ATF5: variants seen among roughly 807,000 people sequenced by gnomAD.
ATF5 encodes the protein cyclic AMP-dependent transcription factor ATF-5.
ATF5 carries 6 observed loss-of-function variants against 4.6 expected under a neutral mutation model. That is an observed-to-expected ratio of 1.31 (90% confidence interval 0.72 to 2.59). The LOEUF (loss-of-function observed/expected upper bound fraction) is 2.59, where lower values mean the gene tolerates loss of function less well. Among genes scored for constraint, ATF5 ranks in the 30% most tolerant of loss-of-function variants. The probability of loss-of-function intolerance (pLI) is 0.00; values close to 1 mark genes in which losing one functional copy is unlikely to be tolerated. For missense variants in ATF5, 410 were observed against 368.7 expected (o/e 1.11, Z -0.92); for synonymous variants, 193 against 165.0 (o/e 1.17, Z -1.30).
intron 1 of ATF5, chr19:49,929,866 G>T (rs959743129): frequency 3.3e-5 from 5 of 152,292 alleles, no homozygotes; most frequent in Non-Finnish European, 7.3e-5. Context: ...TGGCGTTCGG[G>T]TAGCCGTTCT....
rs928610536 is a variant in ATF5, at chr19:49,933,135, G to C, written c.*43G>C. ...TTCTGGGGGCTGGTCTTCAGCTCTGGCGCCTTCATCCCCCTGCCTCTACCT... is the reference window on the plus strand; with the variant it reads ...TTCTGGGGGCTGGTCTTCAGCTCTGCCGCCTTCATCCCCCTGCCTCTACCT... On this transcript the variant is annotated 3_prime_UTR_variant, in exon 3 of 3. Coordinates refer to ENST00000423777, the MANE Select transcript of ATF5 (RefSeq NM_001193646.2). 6.6e-7 allele frequency: 1 copy of C among 1,514,988 alleles called. No homozygotes were observed. The highest frequency in any genetic ancestry group is 8.9e-7 in the Non-Finnish European group (1 of 1,128,934). The allele number at this position is 1,514,988 out of a possible 1,614,324, so 93.8% of individuals were successfully genotyped here.
chr19:49,933,169 A>G lies in ATF5; in HGVS notation c.*77A>G, dbSNP rs759694028. 10 of 1,421,516 alleles carry G rather than the reference A, an allele frequency of 7.0e-6. No individual in the cohort carries two copies. In the East Asian group the frequency reaches 9.9e-5, roughly 14 times the overall value. The allele number at this position is 1,421,516 out of a possible 1,614,324, so 88.1% of individuals were successfully genotyped here. A position where few individuals can be genotyped will look rare whatever the true frequency, so the allele number is the denominator to read the frequency against. On this transcript the variant is annotated 3_prime_UTR_variant, in exon 3 of 3. Transcript: ENST00000423777. ...TCCCCCTGCCTCTACCTTCATTCCA[A>G]ACCCCTCTCGGCCGGGTGCAGTGGC... is the stretch of plus-strand genomic sequence containing the variant.
Position 49,933,092 on chromosome 19 carries a change from G to C in ATF5, c.849G>C (p.Ter283TyrextTer38). The C allele has an allele frequency of 6.3e-7, 1 of 1,581,522 alleles. No homozygotes were observed. The change falls in exon 3 of 3, where the codon TAG becomes TAC. Residue 283 changes from the stop codon to tyrosine (Y), a stop_lost. Coordinates refer to ENST00000423777, the MANE Select transcript of ATF5 (RefSeq NM_001193646.2). ...GGAGCCAGAGGACCCGTAGCTGCTA[G>C]AAGGGCAGGGGTGTGGCTTCTGGGG... ...KARSQRTRSC[*>Y]
rs1284758807 is a variant in ATF5, at chr19:49,933,026, C to G, written c.783C>G (p.Ile261Met). 6.8e-6 allele frequency: 11 copies of G among 1,613,546 alleles called. No homozygotes were observed. Among genetic ancestry groups the G allele is most frequent in the Non-Finnish European group, 8.5e-6 (10 of 1,179,656 alleles). ...KERAESVEREIQYVKDLLIEV... is the reference protein window; with the variant it reads ...KERAESVEREMQYVKDLLIEV... ...GGGCAGAGTCCGTGGAGCGCGAGAT[C>G]CAGTACGTCAAGGACCTGCTCATCG... Residue 261 changes from isoleucine (I) to methionine (M), a missense_variant, in exon 3 of 3, where the codon ATC becomes ATG. Transcript: ENST00000423777.
At position 49,930,945 on chromosome 19, in the gene ATF5, C is replaced by T. The variant is rs150555056; in HGVS notation, c.95C>T (p.Pro32Leu). ...CTCGTAGACTATGGGAAACTCCCCC[C>T]GGCCCCTGCCCCCCTGGCTCCCTAT... ...GWLVDYGKLP[P>L]APAPLAPYEV... Residue 32 changes from proline to leucine, a missense_variant, in exon 2 of 3, where the codon CCG (proline) becomes CTG (leucine). Coordinates refer to ENST00000423777, the MANE Select transcript of ATF5 (RefSeq NM_001193646.2). 2.8e-4 allele frequency: 448 copies of T among 1,602,032 alleles called. 2 individuals carry two copies. In the African/African-American group the frequency reaches 5.2e-3, roughly 18 times the overall value.
At chr19:49,929,926 G>A (rs985105083) in intron 1 of ATF5, 1 of 152,310 alleles carries the variant, frequency 6.6e-6, no homozygotes, top group African/African-American at 2.4e-5. Flanking sequence ...ACGTTGCTCT[G>A]GCTCACAGCC....
chr19:49,929,737 C>G (rs553029930), intron 1 of ATF5: 2 of 152,170 alleles, frequency 1.3e-5, no homozygotes, highest in Non-Finnish European at 2.9e-5. Context: ...GAGCTGCGGA[C>G]CCTGAATGGC....
Position 49,933,080 on chromosome 19 carries a change from C to A in ATF5, c.837C>A (p.Thr279=), listed in dbSNP as rs566216930. The A allele has an allele frequency of 4.5e-5, 72 of 1,590,426 alleles. No individual in the cohort carries two copies. The South Asian group carries it at 7.8e-4, about 17-fold the overall frequency. Residue 279 remains threonine, a synonymous_variant, in exon 3 of 3, where the codon ACC becomes ACA. Coordinates refer to ENST00000423777, the MANE Select transcript of ATF5 (RefSeq NM_001193646.2). ...TTTACAAGGCCCGGAGCCAGAGGAC[C>A]CGTAGCTGCTAGAAGGGCAGGGGTG... is the stretch of plus-strand genomic sequence containing the variant. ...IEVYKARSQR[T]RSC is the part of the protein sequence containing the mutation.
chr19:49,931,646 C>T (rs1401390660), intron 2 of ATF5, among the ~76,000 whole-genome samples: 2 of 151,784 alleles, frequency 1.3e-5, no homozygotes, highest in East Asian at 1.9e-4. Context: ...AACCCTATCC[C>T]TTAAAATAAA....
chr19:49,930,790 G>A lies in ATF5; in HGVS notation c.-61G>A, dbSNP rs546493474. The A allele has an allele frequency of 6.3e-6, 9 of 1,427,176 alleles. No individual in the cohort carries two copies. The highest frequency in any genetic ancestry group is 4.3e-5 in the African/African-American group (3 of 69,700). 88.4% of individuals were successfully genotyped at this position (1,427,176 alleles called of 1,614,324 possible). ...CCACCTGAGCATCCTCCAGAGCCTC[G>A]TGCCAGCTGCTGGTGCAGCCTCTCC... is the stretch of plus-strand genomic sequence containing the variant. On this transcript the variant is annotated 5_prime_UTR_variant, in exon 2 of 3. The change creates a new upstream start codon in the 5' untranslated region. Coordinates refer to ENST00000423777, the MANE Select transcript of ATF5 (RefSeq NM_001193646.2).
chr19:49,930,627 G>C (rs2076044336), intron 1 of ATF5, 105 bp from the exon 2 acceptor site: 1 of 413,596 alleles, frequency 2.4e-6, no homozygotes, highest in South Asian at 8.0e-5. Context: ...AAGGGGGAGG[G>C]AGGAGCCTCA....
Position 49,933,095 on chromosome 19 carries a change from G to T in ATF5, c.*3G>T. The stretch of plus-strand genomic sequence containing the variant: ...GCCAGAGGACCCGTAGCTGCTAGAA[G>T]GGCAGGGGTGTGGCTTCTGGGGGCT... On this transcript the variant is annotated 3_prime_UTR_variant, in exon 3 of 3. Coordinates refer to ENST00000423777, the MANE Select transcript of ATF5 (RefSeq NM_001193646.2). 1.3e-6 allele frequency: 2 copies of T among 1,573,556 alleles called. No homozygotes were observed. Among genetic ancestry groups the T allele is most frequent in the Non-Finnish European group, 1.7e-6 (2 of 1,155,402 alleles).
intron 1 of ATF5, chr19:49,929,653 T>C (rs927746017): frequency 6.9e-6 from 1 of 145,548 alleles, no homozygotes; most frequent in African/African-American, 2.5e-5. Flanking sequence ...GGAGGGTGTG[T>C]TTTTTTTTTT....
chr19:49,932,342 A>G, intron 2 of ATF5, 80 bp from the exon 3 acceptor site: 1 of 1,360,708 alleles, frequency 7.3e-7, no homozygotes, highest in South Asian at 1.2e-5. Flanking sequence ...ATGCACCTGA[A>G]TGAGACGTGA....
In ATF5 at chr19:49,932,858, C is replaced by T. The variant is rs61742136; in HGVS notation, c.615C>T (p.Thr205=). 48,288 of 1,612,610 alleles carry T rather than the reference C, an allele frequency of 0.03. 980 individuals carry two copies. The highest frequency in any genetic ancestry group is 0.063 in the South Asian group (5,697 of 90,876). The stretch of plus-strand genomic sequence containing the variant: ...TGGCCCCCTACCCACATCCTGCCAC[C>T]ACCCGAGGGGACCGCAAGCAAAAGA... ...SRLAPYPHPA[T]TRGDRKQKKR... Residue 205 remains threonine, a synonymous_variant, in exon 3 of 3, where the codon ACC becomes ACT. Transcript: ENST00000423777.
chr19:49,931,064 G>C (rs770565451), intron 2 of ATF5, 36 bp downstream of exon 2: 1 of 1,459,924 alleles, frequency 6.8e-7, no homozygotes, highest in Non-Finnish European at 9.1e-7. Flanking sequence ...GGGGAGTGGA[G>C]GGCAGGGGAA....
Position 49,932,806 on chromosome 19 carries a change from C to T in ATF5, c.563C>T (p.Pro188Leu). ...CTGCCCCCGCCACAGCAGCCCCCTCCTCCTTCTCCACCTCAACCTTCTCGC... is the reference window on the plus strand; with the variant it reads ...CTGCCCCCGCCACAGCAGCCCCCTCTTCCTTCTCCACCTCAACCTTCTCGC... ...PPLPPPQQPP[P>L]PSPPQPSRLA... The change falls in exon 3 of 3, where the codon CCT becomes CTT. Residue 188 changes from proline (P) to leucine (L), a missense_variant. Coordinates refer to ENST00000423777, the MANE Select transcript of ATF5 (RefSeq NM_001193646.2). 3 of 1,609,244 alleles carry T rather than the reference C, an allele frequency of 1.9e-6. No homozygotes were observed. Among genetic ancestry groups the T allele is most frequent in the Non-Finnish European group, 2.5e-6 (3 of 1,178,038 alleles).
chr19:49,932,978 A>T lies in ATF5; in HGVS notation c.735A>T (p.Ala245=). The change falls in exon 3 of 3, where the codon GCA becomes GCT. Residue 245 remains alanine (A), a synonymous_variant. Transcript: ENST00000423777. ...AGGGCGAGTGCCAGGGGCTGGAGGC[A>T]CGGAATCGCGAGCTGAAGGAACGGG... ...ALEGECQGLE[A]RNRELKERAE... 6.2e-7 allele frequency: 1 copy of T among 1,614,060 alleles called. No homozygotes were observed. Among genetic ancestry groups the T allele is most frequent in the Non-Finnish European group, 8.5e-7 (1 of 1,179,992 alleles).
chr19:49,931,740 A>G (rs1251390006), intron 2 of ATF5, among the ~76,000 whole-genome samples: 1 of 152,114 alleles, frequency 6.6e-6, no homozygotes, highest in African/African-American at 2.4e-5. Flanking sequence ...AGCCCTCAGG[A>G]GGCAGGAATC....
Sources: allele counts gnomAD v4.1 joint callset (sites outside exome capture counted in the v4.1 genomes callset), GRCh38; gene constraint gnomAD v4.1.1; transcripts MANE v1.5; gene names NCBI Gene and HGNC (gene_info 2026-07-23, HGNC 2026-07-21).